Variants in KCNH7 observed in about 807,000 individuals in gnomAD.
KCNH7 encodes voltage-gated inwardly rectifying potassium channel KCNH7.
KCNH7 carries 49 observed loss-of-function variants against 120.8 expected under a neutral mutation model. The ratio of observed to expected loss-of-function variants is 0.41; its 90% CI spans 0.32 to 0.51. The LOEUF is 0.51. Ranked by LOEUF, KCNH7 falls within the 20% of genes least tolerant of loss-of-function variation. The probability of loss-of-function intolerance (pLI) is 0.38; values close to 1 mark genes in which losing one functional copy is unlikely to be tolerated. For synonymous variants in KCNH7, 547 were observed against 516.1 expected, an observed-to-expected ratio of 1.06 and a Z score of -0.81; for missense variants, 1,097 against 1,446.6, an observed-to-expected ratio of 0.76 and a Z score of 3.92.
chr2:162,473,240 A>C (rs1689625785), intron 6 of KCNH7, among the ~76,000 whole-genome samples: 1 of 152,006 alleles, frequency 6.6e-6, no homozygotes, highest in Non-Finnish European at 1.5e-5. Flanking sequence ...AATAAAAATA[A>C]AAAATAAAAA....
At chr2:162,788,768 A>G (rs1683806699) in intron 2 of KCNH7, among the ~76,000 whole-genome samples, 1 of 152,054 alleles carries the variant, frequency 6.6e-6, no homozygotes, top group South Asian at 2.1e-4. Context: ...ATCTACATTC[A>G]TAAAATGTAA....
chr2:162,535,002 A>T (rs1182109146), intron 3 of KCNH7, among the ~76,000 whole-genome samples: 5 of 151,742 alleles, frequency 3.3e-5, no homozygotes, highest in Admixed American at 2.6e-4. Flanking sequence ...AGAATAATAC[A>T]CTCATTTCCA....
At chr2:162,533,363 C>T (rs952649595) in intron 3 of KCNH7, among the ~76,000 whole-genome samples, 8 of 151,698 alleles carry the variant, frequency 5.3e-5, no homozygotes, top group South Asian at 2.1e-4. Context: ...AATCAATTAA[C>T]GTAGAAGTAT....
At chr2:162,522,691 T>C (rs947709193) in intron 3 of KCNH7, among the ~76,000 whole-genome samples, 3 of 151,862 alleles carry the variant, frequency 2.0e-5, no homozygotes, top group African/African-American at 7.2e-5. Flanking sequence ...GCTCAATAAA[T>C]GTGAAATAAG....
chr2:162,403,561 C>A (rs1687123134), intron 9 of KCNH7, among the ~76,000 whole-genome samples: 1 of 151,878 alleles, frequency 6.6e-6, no homozygotes, highest in Non-Finnish European at 1.5e-5. Flanking sequence ...CTGTCCTCTG[C>A]CCCCAACATT....
chr2:162,824,390 G>A (rs977426902), intron 2 of KCNH7, among the ~76,000 whole-genome samples: 1 of 152,104 alleles, frequency 6.6e-6, no homozygotes, highest in Non-Finnish European at 1.5e-5. Flanking sequence ...CATCATTAAT[G>A]GCATTTTTGT....
intron 2 of KCNH7, among the ~76,000 whole-genome samples, chr2:162,587,307 G>A (rs550948190): frequency 6.6e-5 from 10 of 152,122 alleles, no homozygotes; most frequent in Middle Eastern, 3.4e-3. Flanking sequence ...AATATTGGAC[G>A]CAAACAAAAC....
At chr2:162,572,078 G>A (rs1693499634) in intron 2 of KCNH7, among the ~76,000 whole-genome samples, 1 of 151,972 alleles carries the variant, frequency 6.6e-6, no homozygotes, top group South Asian at 2.1e-4. Context: ...CTTCTGCACA[G>A]CAAAAGAAAC....
chr2:162,660,980 T>G (rs1457560831), intron 2 of KCNH7, among the ~76,000 whole-genome samples: 1 of 152,204 alleles, frequency 6.6e-6, no homozygotes, highest in African/African-American at 2.4e-5. Flanking sequence ...TACAATAAGA[T>G]AGCCCTTTAT....
chr2:162,387,439 C>T (rs569618247), intron 12 of KCNH7, among the ~76,000 whole-genome samples: 18 of 151,410 alleles, frequency 1.2e-4, no homozygotes, highest in Admixed American at 8.6e-4. Flanking sequence ...TTGCCTTTTT[C>T]CAGTTAAACT....
At chr2:162,654,460 C>A (rs1684675096) in intron 2 of KCNH7, among the ~76,000 whole-genome samples, 1 of 151,656 alleles carries the variant, frequency 6.6e-6, no homozygotes, top group Admixed American at 6.6e-5. Flanking sequence ...CACCTCCTAC[C>A]TATTAAAATG....
chr2:162,704,781 T>G (rs934002647), intron 2 of KCNH7, among the ~76,000 whole-genome samples: 1 of 152,168 alleles, frequency 6.6e-6, no homozygotes, highest in African/African-American at 2.4e-5. Flanking sequence ...GAAGGCAAAA[T>G]GGCTATATGG....
At chr2:162,796,290 T>C (rs1684143463) in intron 2 of KCNH7, 1 of 151,932 alleles carries the variant, frequency 6.6e-6, no homozygotes, top group African/African-American at 2.4e-5. Flanking sequence ...CTTGACAAGA[T>C]TGAATGTGAT....
At chr2:162,577,360 T>TCCATC (rs72410381) in intron 2 of KCNH7, among the ~76,000 whole-genome samples, 53 of 108,656 alleles carry the variant, frequency 4.9e-4, no homozygotes, top group Admixed American at 1.0e-3. Flanking sequence ...TATCTATCTA[T>TCCATC]CTATCTATCT....
At chr2:162,626,428 G>A (rs1447639667) in intron 2 of KCNH7, among the ~76,000 whole-genome samples, 1 of 152,086 alleles carries the variant, frequency 6.6e-6, no homozygotes, top group Non-Finnish European at 1.5e-5. Context: ...GTAGAAAAGA[G>A]GAAGTTTAAC....
intron 6 of KCNH7, among the ~76,000 whole-genome samples, chr2:162,466,711 G>A (rs1689318106): frequency 6.6e-6 from 1 of 152,200 alleles, no homozygotes; most frequent in African/African-American, 2.4e-5. Flanking sequence ...TTGTTTGGTT[G>A]CTTTTTTCAT....
intron 2 of KCNH7, among the ~76,000 whole-genome samples, chr2:162,836,073 T>A (rs564677951): frequency 1.3e-5 from 2 of 152,202 alleles, no homozygotes; most frequent in Non-Finnish European, 2.9e-5. Context: ...AGGTGTTGCC[T>A]ATCAACTAAA....
At chr2:162,788,810 C>T (rs776339483) in intron 2 of KCNH7, among the ~76,000 whole-genome samples, 7 of 151,760 alleles carry the variant, frequency 4.6e-5, no homozygotes, top group African/African-American at 9.7e-5. Context: ...ATAAAGAGAT[C>T]GTCACTGAGA....
chr2:162,648,201 A>T (rs1052365070), intron 2 of KCNH7, among the ~76,000 whole-genome samples: 4 of 152,164 alleles, frequency 2.6e-5, no homozygotes, highest in Admixed American at 2.6e-4. Context: ...TGCAGGAAGC[A>T]TGGTTGGGAG....
Sources: gnomAD v4.1 joint callset for allele counts (sites outside exome capture counted in the v4.1 genomes callset) on GRCh38, gnomAD v4.1.1 for gene constraint, MANE v1.5 for transcripts, NCBI Gene and HGNC (gene_info 2026-07-23, HGNC 2026-07-21) for gene names.